KIAA2012: variants seen among roughly 807,000 people sequenced by gnomAD.
The protein encoded by KIAA2012 is KIAA2012.
KIAA2012 carries 125 observed loss-of-function variants against 150.6 expected under a neutral mutation model. The ratio of observed to expected loss-of-function variants is 0.83; its 90% confidence interval spans 0.72 to 0.96. The LOEUF (loss-of-function observed/expected upper bound fraction) is 0.96. Among genes scored for constraint, KIAA2012 ranks in the 40% least tolerant of loss-of-function variants. KIAA2012 has a pLI of 0.00. For synonymous variants in KIAA2012, 462 were observed against 504.7 expected (o/e 0.92, Z 1.13); for missense variants, 1,219 against 1,354.9 (o/e 0.90, Z 1.57).
At chr2:202,164,231 A>T (rs994097352) in intron 14 of KIAA2012, among the ~76,000 whole-genome samples, 1 of 151,626 alleles carries the variant, frequency 6.6e-6, no homozygotes, top group Non-Finnish European at 1.5e-5. Context: ...TGGGTCACCA[A>T]CTCTACCTGC....
At chr2:202,075,289 C>A (rs1166475797) in intron 2 of KIAA2012, 114 bp downstream of exon 2, 13 of 1,178,468 alleles carry the variant, frequency 1.1e-5, no homozygotes, top group Non-Finnish European at 1.5e-5. Flanking sequence ...ACTCTCAGAA[C>A]TCTATTTCTT....
chr2:202,176,624 G>A lies in KIAA2012; in HGVS notation c.2120-8129G>A, dbSNP rs1481232741. On this transcript the variant is annotated intron_variant, in intron 15 of 23. Transcript: ENST00000498697. The stretch of plus-strand genomic sequence containing the variant: ...ACAAAGCATTAGTAACCAAAATGCA[G>A]CAGCATTTCTTCCCTCTACAAATAG... Among the ~76,000 whole-genome samples, 4 of 152,164 alleles carry A rather than the reference G, an allele frequency of 2.6e-5. No individual in the cohort carries two copies. The East Asian group carries it at 7.7e-4, about 29-fold the overall frequency.
In KIAA2012 at chr2:202,184,112, G is replaced by A. The variant is rs113542824; in HGVS notation, c.2120-641G>A. Among the ~76,000 whole-genome samples the A allele has an allele frequency of 2.1e-4, 32 of 152,186 alleles. 1 individual carries two copies. The highest frequency in any genetic ancestry group is 6.3e-4 in the African/African-American group (26 of 41,532). ...TGATTAATAGTAATGTTGGCTGAGC[G>A]CAGTGGCTCACACCTGTAATCCCAG... On this transcript the variant is annotated intron_variant, in intron 15 of 23. Transcript: ENST00000498697.
intron 12 of KIAA2012, chr2:202,136,912 G>A (rs1691077302): frequency 6.6e-6 from 1 of 152,298 alleles, no homozygotes; most frequent in African/African-American, 2.4e-5. Context: ...GGAGTGCAGT[G>A]GTAAATCTCG....
intron 13 of KIAA2012, among the ~76,000 whole-genome samples, chr2:202,145,173 C>T (rs189522703): frequency 1.9e-4 from 29 of 152,276 alleles, no homozygotes; most frequent in African/African-American, 6.5e-4. Context: ...CCCTACCCTG[C>T]CTTTGTTTCT....
At chr2:202,081,347 T>A (rs1173691304) in intron 2 of KIAA2012, among the ~76,000 whole-genome samples, 1 of 152,154 alleles carries the variant, frequency 6.6e-6, no homozygotes, top group Admixed American at 6.5e-5. Context: ...TTGTTTTCAA[T>A]TATTTTGTGT....
At chr2:202,196,186 CTTTTTTTTTTTTT>C (rs869092899) in intron 21 of KIAA2012, among the ~76,000 whole-genome samples, 2 of 79,676 alleles carry the variant, frequency 2.5e-5, no homozygotes, top group East Asian at 3.2e-4. Flanking sequence ...CTTTTCTTTT[CTTTTTTTTTTTTT>C]TTTTTTTTTT....
Position 202,190,398 on chromosome 2 carries a change from G to C in KIAA2012, c.2716G>C (p.Val906Leu). ...CAAATATGATGCCCAGGAAAGCCAA[G>C]TTTCTCTAGATGGAAGATCATCACC... ...SPKYDAQESQVSLDGRSSPSQ... is the reference protein window; with the variant it reads ...SPKYDAQESQLSLDGRSSPSQ... The change falls in exon 19 of 24, where the codon GTT becomes CTT. Residue 906 changes from valine to leucine, a missense_variant. By Grantham distance (32) the Val-to-Leu change is conservative. Coordinates refer to ENST00000498697, the MANE Select transcript of KIAA2012 (RefSeq NM_001277372.4). 6.4e-7 allele frequency: 1 copy of C among 1,550,750 alleles called. No homozygotes were observed. Among genetic ancestry groups the C allele is most frequent in the East Asian group, 2.4e-5 (1 of 40,922 alleles).
At chr2:202,199,989 GGC>G (rs1692486167) in intron 22 of KIAA2012, among the ~76,000 whole-genome samples, 1 of 134,016 alleles carries the variant, frequency 7.5e-6, no homozygotes, top group East Asian at 2.2e-4. Flanking sequence ...GGAGTGCAGT[GGC>G]GCAATCTTGG....
rs959460714 is a variant in KIAA2012, at chr2:202,179,542, C to T, written c.2120-5211C>T. On this transcript the variant is annotated intron_variant, in intron 15 of 23. Transcript: ENST00000498697. Reference sequence around the variant, plus strand: ...TGTACAGTGGCGTGGGCCCAGATAACAAAGTGCTTGTGCACACAGCTCGAA... The same window carrying T: ...TGTACAGTGGCGTGGGCCCAGATAATAAAGTGCTTGTGCACACAGCTCGAA... The T allele has an allele frequency of 1.9e-5, 13 of 689,994 alleles. No homozygotes were observed. The African/African-American group carries it at 2.0e-4, about 10-fold the overall frequency. 42.7% of individuals were successfully genotyped at this position (689,994 alleles called of 1,614,324 possible). A position where few individuals can be genotyped will look rare whatever the true frequency, so the allele number is the denominator to read the frequency against.
chr2:202,194,228 A>G lies in KIAA2012; in HGVS notation c.3053A>G (p.Gln1018Arg), dbSNP rs751319638. The change falls in exon 21 of 24, where the codon CAG becomes CGG. Residue 1018 changes from glutamine to arginine, a missense_variant. Physicochemically the swap from Gln to Arg is conservative, Grantham distance 43 (BLOSUM62 1). Coordinates refer to ENST00000498697, the MANE Select transcript of KIAA2012 (RefSeq NM_001277372.4). ...AGACTCCAAGAAGAACAGCAGCGGC[A>G]GGAGGAGGAGGAGAGAAAGCAGCAG... ...KQRLQEEQQR[Q>R]EEEERKQQLR... The G allele has an allele frequency of 6.5e-7, 1 of 1,542,418 alleles. No homozygotes were observed. The highest frequency in any genetic ancestry group is 1.2e-5 in the South Asian group (1 of 83,088).
At chr2:202,076,792 G>T (rs1453410294) in intron 2 of KIAA2012, 1 of 360,132 alleles carries the variant, frequency 2.8e-6, no homozygotes, top group Non-Finnish European at 5.5e-6. Context: ...GACTCCAGTG[G>T]TCCACTGGTC....
At chr2:202,095,973 A>C (rs1476601767) in intron 4 of KIAA2012, among the ~76,000 whole-genome samples, 1 of 152,068 alleles carries the variant, frequency 6.6e-6, no homozygotes, top group Non-Finnish European at 1.5e-5. Flanking sequence ...AATCCCAGCT[A>C]CTCGGGAGGC....
intron 5 of KIAA2012, among the ~76,000 whole-genome samples, chr2:202,098,820 GCA>G (rs1354605670): frequency 2.7e-5 from 4 of 145,778 alleles, no homozygotes; most frequent in South Asian, 4.3e-4. Flanking sequence ...GTGTGTGTGT[GCA>G]CGCGCGCGCG....
intron 12 of KIAA2012, chr2:202,135,778 T>G (rs1275535680): frequency 6.4e-6 from 1 of 156,006 alleles, no homozygotes; most frequent in Admixed American, 6.5e-5. Flanking sequence ...TGGGCTGGAT[T>G]TGTCCCAAGT....
chr2:202,149,549 G>C (rs1391128639), intron 13 of KIAA2012, among the ~76,000 whole-genome samples: 1 of 152,218 alleles, frequency 6.6e-6, no homozygotes. Flanking sequence ...TGTGAGCTGC[G>C]TGGGAGGGAG....
At chr2:202,094,451 C>T (rs138851732) in intron 4 of KIAA2012, among the ~76,000 whole-genome samples, 26 of 152,240 alleles carry the variant, frequency 1.7e-4, no homozygotes, top group Admixed American at 2.6e-4. Flanking sequence ...TTTCAACCAA[C>T]CACACATCTC....
chr2:202,147,413 C>T (rs908001643), intron 13 of KIAA2012, among the ~76,000 whole-genome samples: 2 of 152,146 alleles, frequency 1.3e-5, no homozygotes, highest in Non-Finnish European at 2.9e-5. Flanking sequence ...CAGCAGGGCA[C>T]CACGGCCCAC....
intron 1 of KIAA2012, 120 bp downstream of exon 1, chr2:202,073,831 A>T: frequency 1.3e-6 from 1 of 758,006 alleles, no homozygotes; most frequent in Non-Finnish European, 2.1e-6. Flanking sequence ...TGGCGGGGTC[A>T]CTGGAAGATC....
Sources: allele counts gnomAD v4.1 joint callset (sites outside exome capture counted in the v4.1 genomes callset), GRCh38; gene constraint gnomAD v4.1.1; transcripts MANE v1.5; gene names NCBI Gene and HGNC (gene_info 2026-07-23, HGNC 2026-07-21).